The following ANXA4 variants were observed in gnomAD, a reference collection of about 807,000 sequenced individuals.
ANXA4 encodes the protein 35-beta calcimedin.
ANXA4 carries 39 observed loss-of-function variants against 49.8 expected under a neutral mutation model. The ratio of observed to expected loss-of-function variants is 0.78; its 90% CI spans 0.61 to 1.02. ANXA4 has a LOEUF of 1.02. Ranked by LOEUF, ANXA4 falls within the 50% of genes least tolerant of loss-of-function variation. The probability of loss-of-function intolerance (pLI) is 0.00; values close to 1 mark genes in which losing one functional copy is unlikely to be tolerated. For missense variants in ANXA4, 360 were observed against 410.1 expected (o/e 0.88, Z 1.05); for synonymous variants, 134 against 152.5 (o/e 0.88, Z 0.89).
chr2:69,653,883 C>A (rs1238896865), intron 2 of ANXA4, among the ~76,000 whole-genome samples: 2 of 152,184 alleles, frequency 1.3e-5, no homozygotes, highest in South Asian at 4.1e-4. Flanking sequence ...GCAGTATGAC[C>A]ATTTTCACAA....
chr2:69,681,482 A>G (rs1168301224), intron 2 of ANXA4, among the ~76,000 whole-genome samples: 1 of 151,344 alleles, frequency 6.6e-6, no homozygotes, highest in African/African-American at 2.4e-5. Context: ...CTCCTGCCTC[A>G]GCCTCCTGAG....
rs182969079 is a variant in ANXA4, at chr2:69,705,091, G to C, written n.767-15683G>C. ...ACTGGAGGCCAGGAATTTGAGACCAGCCTGGGTGACATAGAGAGACTGCCC... is the reference window on the plus strand; with the variant it reads ...ACTGGAGGCCAGGAATTTGAGACCACCCTGGGTGACATAGAGAGACTGCCC... On this transcript the variant is annotated intron_variant and non_coding_transcript_variant, in intron 2 of 3. Transcript: ENST00000418066. 6.4e-3 allele frequency among the ~76,000 whole-genome samples: 969 copies of C among 152,112 alleles called. 11 individuals carry two copies. Among genetic ancestry groups the C allele is most frequent in the African/African-American group, 0.022 (921 of 41,498 alleles).
chr2:69,659,741 T>A (rs1676640462), intron 2 of ANXA4, among the ~76,000 whole-genome samples: 1 of 152,178 alleles, frequency 6.6e-6, no homozygotes. Context: ...GGCAACATGA[T>A]GAGACTTTAA....
At chr2:69,721,661 T>C (rs1169874784) in intron 3 of ANXA4, among the ~76,000 whole-genome samples, 1 of 151,830 alleles carries the variant, frequency 6.6e-6, no homozygotes, top group African/African-American at 2.4e-5. Flanking sequence ...ATCATGCCAC[T>C]GCATTCCAGC....
chr2:69,652,493 G>T (rs557894746), intron 1 of ANXA4, among the ~76,000 whole-genome samples: 1 of 152,128 alleles, frequency 6.6e-6, no homozygotes, highest in East Asian at 1.9e-4. Context: ...CTAGTCAGAT[G>T]ACTTCTTAAA....
rs1672493745 is a variant in ANXA4 at position 69,788,145 on chromosome 2, T to C, written c.97+4T>C. On this transcript the variant is annotated splice_donor_region_variant and intron_variant, in intron 3 of 12. Transcript: ENST00000394295. ...AGGAAGGCCATGAAAGGGCTCGGTA[T>C]GTGTCCTGCTGGAAGTGAATCCTCC... The C allele has an allele frequency of 1.9e-6, 3 of 1,612,568 alleles. No individual in the cohort carries two copies. Among genetic ancestry groups the C allele is most frequent in the African/African-American group, 1.3e-5 (1 of 74,908 alleles).
chr2:69,694,794 A>G (rs1178326952), intron 2 of ANXA4, among the ~76,000 whole-genome samples: 2 of 151,932 alleles, frequency 1.3e-5, no homozygotes, highest in African/African-American at 4.8e-5. Context: ...TTATTGTTAA[A>G]TTTTAAATAT....
intron 2 of ANXA4, among the ~76,000 whole-genome samples, chr2:69,674,827 A>G (rs1677333787): frequency 6.6e-6 from 1 of 152,142 alleles, no homozygotes; most frequent in Admixed American, 6.5e-5. Context: ...ATCCTCTTAC[A>G]ATAAAAAATA....
At chr2:69,780,434 G>A (rs1219240301) in intron 1 of ANXA4, among the ~76,000 whole-genome samples, 11 of 152,166 alleles carry the variant, frequency 7.2e-5, no homozygotes. Context: ...GACCTCAAAT[G>A]ATCCACCTGC....
chr2:69,708,533 A>AAG (rs112618606), intron 2 of ANXA4, among the ~76,000 whole-genome samples: 10,960 of 149,442 alleles, frequency 0.073, 1,314 homozygotes, highest in African/African-American at 0.25. Flanking sequence ...AGAAGAAAGA[A>AAG]AGAGAGAGAG....
chr2:69,743,724 G>A (rs1670499833), intron 1 of ANXA4, among the ~76,000 whole-genome samples: 1 of 152,108 alleles, frequency 6.6e-6, no homozygotes, highest in Non-Finnish European at 1.5e-5. Flanking sequence ...GTACACCCCT[G>A]CCCCCACCCA....
In ANXA4 at chr2:69,825,777, TAA is replaced by T. The variant is rs1674446535; in HGVS notation, c.*265_*266del. On this transcript the variant is annotated 3_prime_UTR_variant, in exon 13 of 13. Coordinates refer to ENST00000394295, the MANE Select transcript of ANXA4 (RefSeq NM_001153.5). ...GAAATAAATATGTATTCCATGTTTTTAAAAGATTACTTTCTACTTTGTGTTTC... is the reference window on the plus strand; with the variant it reads ...GAAATAAATATGTATTCCATGTTTTTAAGATTACTTTCTACTTTGTGTTTC... 3 of 315,146 alleles carry T rather than the reference TAA, an allele frequency of 9.5e-6. No individual in the cohort carries two copies. The highest frequency in any genetic ancestry group is 4.9e-5 in the Admixed American group (1 of 20,380). 19.5% of individuals were successfully genotyped at this position (315,146 alleles called of 1,614,324 possible).
intron 2 of ANXA4, among the ~76,000 whole-genome samples, chr2:69,654,269 T>C (rs952268605): frequency 1.3e-5 from 2 of 152,182 alleles, no homozygotes; most frequent in African/African-American, 4.8e-5. Context: ...ATTTGAATAC[T>C]CTTTATTTCT....
intron 8 of ANXA4, chr2:69,814,741 GGGGTGT>G (rs1436926054): frequency 7.8e-6 from 1 of 128,518 alleles, no homozygotes; most frequent in Non-Finnish European, 1.6e-5. Flanking sequence ...GAGACACAGA[GGGGTGT>G]GTGTGTGTGT....
chr2:69,656,125 G>T (rs1676429512), intron 2 of ANXA4, among the ~76,000 whole-genome samples: 1 of 150,236 alleles, frequency 6.7e-6, no homozygotes, highest in South Asian at 2.1e-4. Context: ...GTATACCTAT[G>T]TAACAAACCT....
chr2:69,727,284 T>C (rs914840713), intron 3 of ANXA4, among the ~76,000 whole-genome samples: 3 of 152,256 alleles, frequency 2.0e-5, no homozygotes, highest in African/African-American at 7.2e-5. Flanking sequence ...TACGCATTGC[T>C]GGGTCATAGG....
chr2:69,798,538 A>G (rs1034128737), intron 3 of ANXA4, among the ~76,000 whole-genome samples: 27 of 152,196 alleles, frequency 1.8e-4, no homozygotes, highest in African/African-American at 6.5e-4. Context: ...TCCAGGACCT[A>G]TTCCAGCCCC....
chr2:69,765,587 C>A (rs1005251600), intron 1 of ANXA4, among the ~76,000 whole-genome samples: 4 of 152,126 alleles, frequency 2.6e-5, no homozygotes, highest in Admixed American at 1.3e-4. Flanking sequence ...AATCACTGGC[C>A]CCAGACAACC....
chr2:69,775,661 C>T (rs1275845363), intron 1 of ANXA4, among the ~76,000 whole-genome samples: 1 of 152,192 alleles, frequency 6.6e-6, no homozygotes, highest in Non-Finnish European at 1.5e-5. Flanking sequence ...TACATCAGAG[C>T]ATGTATAGGA....
Sources: gnomAD v4.1 joint callset for allele counts (sites outside exome capture counted in the v4.1 genomes callset) on GRCh38, gnomAD v4.1.1 for gene constraint, MANE v1.5 for transcripts, NCBI Gene and HGNC (gene_info 2026-07-23, HGNC 2026-07-21) for gene names.